ZNF385A: variants seen among roughly 807,000 people sequenced by gnomAD.
ZNF385A encodes the protein hematopoietic zinc finger protein.
ZNF385A carries 14 observed loss-of-function variants against 32.1 expected under a neutral mutation model. That is an observed-to-expected ratio of 0.44 (90% CI 0.29 to 0.68). The LOEUF is 0.68. Ranked by LOEUF, ZNF385A falls within the 30% of genes least tolerant of loss-of-function variation. The pLI is 0.14. For missense variants in ZNF385A, 406 were observed against 478.4 expected, an observed-to-expected ratio of 0.85 and a Z score of 1.41; for synonymous variants, 197 against 202.7, an observed-to-expected ratio of 0.97 and a Z score of 0.24.
At chr12:54,389,808 G>A (rs1955588816) in intron 1 of ZNF385A, among the ~76,000 whole-genome samples, 1 of 152,118 alleles carries the variant, frequency 6.6e-6, no homozygotes, top group African/African-American at 2.4e-5. Context: ...ATTCATAGAA[G>A]GGTGGGTAAT....
rs763472211 is a variant in ZNF385A at position 54,370,893 on chromosome 12, G to C, written c.774+34C>G. On this transcript the variant is annotated intron_variant, in intron 5 of 6. Transcript: ENST00000394313. This position sits in a 1 kb window ranked among gnomAD's most constrained non-coding sequence, Gnocchi z 5.5. ...CCCTTCCCCACTTAGCGGGTGGAGC[G>C]TCCCAGAATTCCTGGGAAGGGCCTT... is the stretch of plus-strand genomic sequence containing the variant. 2 of 1,613,490 alleles carry C rather than the reference G, an allele frequency of 1.2e-6. No homozygotes were observed. The highest frequency in any genetic ancestry group is 2.7e-5 in the African/African-American group (2 of 74,942).
intron 3 of ZNF385A, among the ~76,000 whole-genome samples, chr12:54,373,573 CTG>C (rs934703406): frequency 1.3e-5 from 2 of 152,160 alleles, no homozygotes; most frequent in African/African-American, 4.8e-5. Flanking sequence ...CTTGCACTCT[CTG>C]TCTTCCCCGA....
At chr12:54,383,330 C>T (rs930437226) in intron 1 of ZNF385A, among the ~76,000 whole-genome samples, 1 of 152,158 alleles carries the variant, frequency 6.6e-6, no homozygotes, top group African/African-American at 2.4e-5. Flanking sequence ...ATCCTTGACT[C>T]ATGCCTTCTC....
intron 1 of ZNF385A, among the ~76,000 whole-genome samples, chr12:54,390,700 C>G (rs1955616200): frequency 6.6e-6 from 1 of 151,042 alleles, no homozygotes; most frequent in South Asian, 2.1e-4. Context: ...CCCCAGCCCT[C>G]TTATCTCCGG....
At chr12:54,373,145 G>GTGTGTGTC (rs1555159213) in intron 3 of ZNF385A, 2,965 of 155,386 alleles carry the variant, frequency 0.019, 112 homozygotes, top group African/African-American at 0.068. Context: ...GTGTGTGTGT[G>GTGTGTGTC]TGTGTGTGTG....
rs201286538 is a variant in ZNF385A, at chr12:54,374,045, C to T, written c.289G>A (p.Val97Ile). 439 of 1,601,122 alleles carry T rather than the reference C, an allele frequency of 2.7e-4. No individual in the cohort carries two copies. Among genetic ancestry groups the T allele is most frequent in the Non-Finnish European group, 3.6e-4 (416 of 1,171,434 alleles). Residue 97 changes from valine to isoleucine, a missense_variant, in exon 3 of 7, where the codon GTC becomes ATC. Val to Ile is a conservative substitution (Grantham distance 29). Transcript: ENST00000394313. ...AAKTRGREPG[V>I]REPGDPAPPG... ...GGAGCTGGGTCTCCAGGTTCTCGGA[C>T]GCCAGGCTCCCTGCCTCTGGTCTTG...
At position 54,384,691 on chromosome 12, in the gene ZNF385A, T is replaced by G; in HGVS notation, c.-177A>C. On this transcript the variant is annotated 5_prime_UTR_variant, in exon 1 of 7. Coordinates refer to ENST00000394313, the MANE Select transcript of ZNF385A (RefSeq NM_015481.3). Reference sequence around the variant, plus strand: ...GAAGTGTCACCCTCAGTGCACATAGTGTACACACTTCCCCTGCTGGCTCCA... The same window carrying G: ...GAAGTGTCACCCTCAGTGCACATAGGGTACACACTTCCCCTGCTGGCTCCA... The G allele has an allele frequency of 1.5e-6, 2 of 1,369,076 alleles. No homozygotes were observed. Among genetic ancestry groups the G allele is most frequent in the Non-Finnish European group, 1.9e-6 (2 of 1,065,382 alleles). 84.8% of individuals were successfully genotyped at this position (1,369,076 alleles called of 1,614,324 possible).
chr12:54,371,472 C>T lies in ZNF385A; in HGVS notation c.604+1G>A. ...CTGGGTGGGGGCAGGGGAGTCCATACCTTTGTTATGTGCCTCAAGCTGGGA... is the reference window on the plus strand; with the variant it reads ...CTGGGTGGGGGCAGGGGAGTCCATATCTTTGTTATGTGCCTCAAGCTGGGA... On this transcript the variant is annotated splice_donor_variant, in intron 4 of 6. Transcript: ENST00000394313. LOFTEE classifies it high-confidence loss of function. 6.2e-7 allele frequency: 1 copy of T among 1,605,758 alleles called. No homozygotes were observed. Among genetic ancestry groups the T allele is most frequent in the Non-Finnish European group, 8.5e-7 (1 of 1,177,624 alleles).
At chr12:54,382,446 A>T (rs898149783) in intron 1 of ZNF385A, among the ~76,000 whole-genome samples, 1 of 152,176 alleles carries the variant, frequency 6.6e-6, no homozygotes, top group Non-Finnish European at 1.5e-5. Context: ...GCTGTGGTAT[A>T]ACGATAAGTC....
chr12:54,387,103 C>A (rs1474202414), upstream of ZNF385A, among the ~76,000 whole-genome samples: 2 of 152,184 alleles, frequency 1.3e-5, no homozygotes, highest in Admixed American at 1.3e-4. Context: ...GAGATCTGAG[C>A]ACAGGCTTCC....
In ZNF385A at chr12:54,375,828, C is replaced by T. The variant is rs751934638; in HGVS notation, c.198+16G>A. 2.5e-6 allele frequency: 4 copies of T among 1,612,102 alleles called. No homozygotes were observed. The South Asian group carries it at 4.4e-5, about 18-fold the overall frequency. On this transcript the variant is annotated intron_variant, in intron 2 of 6. Transcript: ENST00000394313. The stretch of plus-strand genomic sequence containing the variant: ...CTGCCCCACCCACTGGGTAGATGAG[C>T]AGCTTGGCTTCTTACCTGAGAATTG...
intron 1 of ZNF385A, among the ~76,000 whole-genome samples, chr12:54,378,749 G>A (rs924084013): frequency 6.6e-6 from 1 of 152,088 alleles, no homozygotes; most frequent in African/African-American, 2.4e-5. Flanking sequence ...AAGGGGCTGG[G>A]GCTGGAGAGG....
Position 54,384,521 on chromosome 12 carries a change from G to A in ZNF385A, c.-7C>T. 2.0e-6 allele frequency: 3 copies of A among 1,524,968 alleles called. No individual in the cohort carries two copies. The highest frequency in any genetic ancestry group is 2.3e-5 in the Admixed American group (1 of 43,906). 94.5% of individuals were successfully genotyped at this position (1,524,968 alleles called of 1,614,324 possible). On this transcript the variant is annotated 5_prime_UTR_variant, in exon 1 of 7. Transcript: ENST00000394313. ...GGTCCAGTGGGGGCTGCATGATCGG[G>A]GGCTGCCGTAGCAGAGGCAGGGGCC...
At position 54,375,933 on chromosome 12, in the gene ZNF385A, C is replaced by T. The variant is rs776252685; in HGVS notation, c.109G>A (p.Val37Met). ...GGTCCCCCAAAAGTGTGGGAGAGCA[C>T]AGCCTTCTGCACAGGGTCCATCTGT... ...YSTMDPVQKA[V>M]LSHTFGGPLL... The change falls in exon 2 of 7, where the codon GTG becomes ATG. Residue 37 changes from valine to methionine, a missense_variant. Transcript: ENST00000394313. The T allele has an allele frequency of 1.9e-6, 3 of 1,614,036 alleles. No individual in the cohort carries two copies. The East Asian group carries it at 6.7e-5, about 36-fold the overall frequency.
At position 54,370,845 on chromosome 12, in the gene ZNF385A, G is replaced by A; in HGVS notation, c.774+82C>T. 11 of 1,605,892 alleles carry A rather than the reference G, an allele frequency of 6.8e-6. No homozygotes were observed. Among genetic ancestry groups the A allele is most frequent in the Non-Finnish European group, 9.4e-6 (11 of 1,174,918 alleles). ...CCCCTGGGGAAAACTCTGAAGAAGG[G>A]CCTTTACTCAAGCTCCTTGCTCCCC... On this transcript the variant is annotated intron_variant, in intron 5 of 6. Transcript: ENST00000394313. This position sits in a 1 kb window ranked among gnomAD's most constrained non-coding sequence, Gnocchi z 5.5.
At chr12:54,386,207 C>G (rs931913794), upstream of ZNF385A, among the ~76,000 whole-genome samples, 106 of 142,460 alleles carry the variant, frequency 7.4e-4, no homozygotes, top group Admixed American at 1.2e-3. Context: ...CACACACACA[C>G]ACAGAGAGAC....
At chr12:54,373,149 G>GTA (rs948670034) in intron 3 of ZNF385A, 9 of 155,972 alleles carry the variant, frequency 5.8e-5, no homozygotes, top group Non-Finnish European at 8.5e-5. Context: ...GTGTGTGTGT[G>GTA]TGTGTGTGTG....
chr12:54,387,750 A>G (rs139313775), upstream of ZNF385A, among the ~76,000 whole-genome samples: 1 of 152,360 alleles, frequency 6.6e-6, no homozygotes, highest in African/African-American at 2.4e-5. Context: ...ATATTTGCTG[A>G]ATAAATGAAT....
chr12:54,386,877 T>C (rs573278004), upstream of ZNF385A, among the ~76,000 whole-genome samples: 4 of 152,302 alleles, frequency 2.6e-5, no homozygotes, highest in South Asian at 8.3e-4. Context: ...ACCTCTGAAG[T>C]AGCTCAATGA....
Sources: allele counts gnomAD v4.1 joint callset (sites outside exome capture counted in the v4.1 genomes callset), GRCh38; gene constraint gnomAD v4.1.1; non-coding constraint Gnocchi (gnomAD v3.1); transcripts MANE v1.5; gene names NCBI Gene and HGNC (gene_info 2026-07-23, HGNC 2026-07-21).